ARFGEF3: variants seen among roughly 807,000 people sequenced by gnomAD.
ARFGEF3 encodes the protein ARFGEF family member 3.
A neutral mutation model predicts 221.7 loss-of-function variants in ARFGEF3; 96 were observed. The observed-to-expected ratio is 0.43, with a 90% CI of 0.37 to 0.51. The LOEUF is 0.51. Among genes scored for constraint, ARFGEF3 ranks in the 20% least tolerant of loss-of-function variants. The pLI is 0.00. For synonymous variants in ARFGEF3, 1,145 were observed against 1,126.8 expected (o/e 1.02, Z -0.32); for missense variants, 2,410 against 2,789.9 (o/e 0.86, Z 3.07).
intron 4 of ARFGEF3, among the ~76,000 whole-genome samples, chr6:138,219,762 A>G (rs545257593): frequency 6.6e-6 from 1 of 152,058 alleles, no homozygotes; most frequent in South Asian, 2.1e-4. Context: ...TCAGGTCTCA[A>G]TATTTATATT....
chr6:138,268,881 A>C (rs1778944069), intron 12 of ARFGEF3, among the ~76,000 whole-genome samples: 1 of 152,348 alleles, frequency 6.6e-6, no homozygotes, highest in African/African-American at 2.4e-5. Context: ...AGCAAGTATA[A>C]ATCTCAGTTG....
At position 138,263,577 on chromosome 6, in the gene ARFGEF3, C is replaced by T. The variant is rs373292748; in HGVS notation, c.2094C>T (p.Thr698=). Residue 698 remains threonine (T), a synonymous_variant, in exon 12 of 34, where the codon ACC becomes ACT. Transcript: ENST00000251691. ...TCTCCAATGTAGAGGAGGTGGACAC[C>T]GCTCTGCAGAACTTTGCCTCTACTT... is the stretch of plus-strand genomic sequence containing the variant. The part of the protein sequence containing the change: ...LSLSNVEEVD[T]ALQNFASTFC... The T allele has an allele frequency of 1.6e-5, 26 of 1,608,630 alleles. No homozygotes were observed. The highest frequency in any genetic ancestry group is 3.3e-4 in the Middle Eastern group (2 of 6,074).
At chr6:138,183,500 G>A (rs1341247239) in intron 2 of ARFGEF3, among the ~76,000 whole-genome samples, 1 of 152,136 alleles carries the variant, frequency 6.6e-6, no homozygotes, top group African/African-American at 2.4e-5. Flanking sequence ...TATCGGAGGG[G>A]TCTGGAGAGA....
chr6:138,171,143 G>A (rs1395129234), intron 2 of ARFGEF3, among the ~76,000 whole-genome samples: 1 of 151,696 alleles, frequency 6.6e-6, no homozygotes, highest in Non-Finnish European at 1.5e-5. Context: ...ACTTACTTTT[G>A]GTGGGGACAC....
chr6:138,304,496 A>C (rs1317902644), intron 22 of ARFGEF3, among the ~76,000 whole-genome samples: 1 of 152,222 alleles, frequency 6.6e-6, no homozygotes, highest in Non-Finnish European at 1.5e-5. Flanking sequence ...AAATATGTAA[A>C]AGAAAAATGT....
chr6:138,293,678 A>G (rs1779454715), intron 19 of ARFGEF3, among the ~76,000 whole-genome samples: 1 of 152,132 alleles, frequency 6.6e-6, no homozygotes, highest in East Asian at 1.9e-4. Context: ...ATTCCCAGTT[A>G]CTCAGTTTCT....
intron 9 of ARFGEF3, among the ~76,000 whole-genome samples, 182 bp from the exon 10 acceptor site, chr6:138,255,254 G>A (rs1268219260): frequency 6.6e-6 from 1 of 152,082 alleles, no homozygotes; most frequent in Non-Finnish European, 1.5e-5. Context: ...AATTTATGAG[G>A]AAAAGTATTG....
At chr6:138,309,369 A>G (rs1195728559) in intron 24 of ARFGEF3, among the ~76,000 whole-genome samples, 1 of 152,192 alleles carries the variant, frequency 6.6e-6, no homozygotes, top group Non-Finnish European at 1.5e-5. Context: ...TAAGTATAAA[A>G]TCATCTGGGT....
chr6:138,245,751 T>C (rs112464244), intron 8 of ARFGEF3, among the ~76,000 whole-genome samples, 160 bp downstream of exon 8: 19 of 152,378 alleles, frequency 1.2e-4, no homozygotes, highest in African/African-American at 4.3e-4. Flanking sequence ...GAATATATTC[T>C]GAAAGTTGGT....
chr6:138,298,822 C>G, intron 22 of ARFGEF3, 37 bp downstream of exon 22: 5 of 1,542,550 alleles, frequency 3.2e-6, no homozygotes, highest in Non-Finnish European at 4.4e-6. Flanking sequence ...ATAGCTGGCT[C>G]TTACTGAGTG....
rs1051832039 is a variant in ARFGEF3, at chr6:138,343,302, T to C, written c.*6816T>C. 2 of 152,208 alleles carry C rather than the reference T, an allele frequency of 1.3e-5. No individual in the cohort carries two copies. Among genetic ancestry groups the C allele is most frequent in the Non-Finnish European group, 2.9e-5 (2 of 68,042 alleles). 9.4% of individuals were successfully genotyped at this position (152,208 alleles called of 1,614,324 possible). On this transcript the variant is annotated 3_prime_UTR_variant, in exon 34 of 34. Transcript: ENST00000251691. ...TCTAAAGACTTCTGCTTAATAAATA[T>C]GCTGACTTCATTTAAATTAGTTTAG...
chr6:138,265,713 A>G lies in ARFGEF3; in HGVS notation c.2128+2102A>G, dbSNP rs140177792. On this transcript the variant is annotated intron_variant, in intron 12 of 33. Coordinates refer to ENST00000251691, the MANE Select transcript of ARFGEF3 (RefSeq NM_020340.5). ...ATTTATAGAGAAGCCGAATTGTGCT[A>G]TATGCTAAGGTCCCAAGATATGTAC... Among the ~76,000 whole-genome samples, 190 of 152,270 alleles carry G rather than the reference A, an allele frequency of 1.2e-3. 1 individual carries two copies. Among genetic ancestry groups the G allele is most frequent in the Middle Eastern group, 0.01 (3 of 294 alleles).
At chr6:138,173,666 T>C (rs544642353) in intron 2 of ARFGEF3, among the ~76,000 whole-genome samples, 14 of 152,332 alleles carry the variant, frequency 9.2e-5, no homozygotes, top group Admixed American at 2.6e-4. Context: ...ATGGTTTCAA[T>C]GTGTCCAAGG....
intron 8 of ARFGEF3, among the ~76,000 whole-genome samples, chr6:138,246,645 C>T (rs559419066): frequency 9.2e-5 from 14 of 152,246 alleles, no homozygotes; most frequent in Non-Finnish European, 1.8e-4. Flanking sequence ...TTTATTGAGG[C>T]ACTTCAAGGC....
At chr6:138,211,618 AT>A (rs1196313199) in intron 4 of ARFGEF3, among the ~76,000 whole-genome samples, 1 of 152,220 alleles carries the variant, frequency 6.6e-6, no homozygotes, top group Non-Finnish European at 1.5e-5. Flanking sequence ...CTTTGGTGTC[AT>A]ACTAAGAGAT....
intron 29 of ARFGEF3, among the ~76,000 whole-genome samples, chr6:138,322,396 C>G (rs1780048819): frequency 6.6e-6 from 1 of 152,122 alleles, no homozygotes; most frequent in Admixed American, 6.6e-5. Flanking sequence ...CTCACGGGGT[C>G]CCTCCCACAA....
intron 4 of ARFGEF3, among the ~76,000 whole-genome samples, chr6:138,214,653 A>C (rs1362350105): frequency 6.6e-6 from 1 of 152,236 alleles, no homozygotes; most frequent in Non-Finnish European, 1.5e-5. Flanking sequence ...AATTGTATTA[A>C]ATTTCTGGAA....
chr6:138,297,275 C>T (rs928321708), intron 21 of ARFGEF3, among the ~76,000 whole-genome samples: 1 of 152,200 alleles, frequency 6.6e-6, no homozygotes. Flanking sequence ...TTCCTAATAG[C>T]TTTATTTTTA....
At chr6:138,185,174 T>G (rs1305963700) in intron 2 of ARFGEF3, among the ~76,000 whole-genome samples, 1 of 152,210 alleles carries the variant, frequency 6.6e-6, no homozygotes, top group Non-Finnish European at 1.5e-5. Flanking sequence ...TGAAGTTCTT[T>G]CTTCCTCCAA....
Sources: allele counts gnomAD v4.1 joint callset (sites outside exome capture counted in the v4.1 genomes callset), GRCh38; gene constraint gnomAD v4.1.1; transcripts MANE v1.5; gene names NCBI Gene and HGNC (gene_info 2026-07-23, HGNC 2026-07-21).